Variants in SCG3 observed in about 807,000 individuals in gnomAD.
SCG3 encodes secretogranin III.
In SCG3, 38 loss-of-function variants were observed where a neutral mutation model predicts 56.2. The ratio of observed to expected loss-of-function variants is 0.68; its 90% CI spans 0.52 to 0.89. SCG3 has a LOEUF of 0.89. Among genes scored for constraint, SCG3 ranks in the 40% least tolerant of loss-of-function variants. The pLI, the probability that SCG3 is intolerant of heterozygous loss-of-function variation, is 0.00. For missense variants in SCG3, 524 were observed against 540.7 expected (o/e 0.97, Z 0.31); for synonymous variants, 176 against 184.2 (o/e 0.96, Z 0.36).
intron 10 of SCG3, 29 bp from the exon 11 acceptor site, chr15:51,713,304 G>GTT (rs1386553862): frequency 7.0e-7 from 1 of 1,427,058 alleles, no homozygotes; most frequent in Non-Finnish European, 9.8e-7. Context: ...TTTCCTGAGT[G>GTT]TTTGATATAG....
Position 51,689,229 on chromosome 15 carries a change from G to C in SCG3, c.551G>C (p.Ser184Thr), listed in dbSNP as rs1282347314. The change falls in exon 6 of 12, where the codon AGC becomes ACC. Residue 184 changes from serine to threonine, a missense_variant. Transcript: ENST00000220478. ...GCCTTTTTATGATAGATCACAGAAA[G>C]CCAAGCACATACACTGGAAGATGAA... Reference protein sequence around the residue: ...KLLNLGLITESQAHTLEDEVA... With the variant: ...KLLNLGLITETQAHTLEDEVA... The C allele has an allele frequency of 6.2e-7, 1 of 1,613,712 alleles. No homozygotes were observed. Among genetic ancestry groups the C allele is most frequent in the Non-Finnish European group, 8.5e-7 (1 of 1,179,786 alleles).
At chr15:51,716,848 C>G (rs2055459685) in intron 11 of SCG3, among the ~76,000 whole-genome samples, 1 of 152,234 alleles carries the variant, frequency 6.6e-6, no homozygotes, top group Non-Finnish European at 1.5e-5. Context: ...TCCTTTGCAC[C>G]AGTTGCATGT....
intron 6 of SCG3, among the ~76,000 whole-genome samples, chr15:51,691,534 C>G (rs1240386242): frequency 6.6e-6 from 1 of 152,000 alleles, no homozygotes; most frequent in Non-Finnish European, 1.5e-5. Context: ...GTGGGGCCAA[C>G]AAGGCTACTG....
At chr15:51,692,973 G>C in intron 7 of SCG3, among the ~76,000 whole-genome samples, 1 of 151,856 alleles carries the variant, frequency 6.6e-6, no homozygotes, top group East Asian at 1.9e-4. Context: ...CCACCATGCT[G>C]TACATTCTCC....
intron 7 of SCG3, chr15:51,693,151 T>C (rs1442557185): frequency 6.6e-6 from 1 of 152,220 alleles, no homozygotes; most frequent in African/African-American, 2.4e-5. Context: ...TGTCTTTCTT[T>C]GCCTGCCTTT....
intron 11 of SCG3, among the ~76,000 whole-genome samples, chr15:51,717,864 C>G (rs915897061): frequency 2.6e-5 from 4 of 152,162 alleles, no homozygotes; most frequent in African/African-American, 9.7e-5. Flanking sequence ...TGTGATTGGA[C>G]AAAAAGGACA....
At chr15:51,689,659 C>T (rs997454052) in intron 6 of SCG3, among the ~76,000 whole-genome samples, 11 of 151,900 alleles carry the variant, frequency 7.2e-5, no homozygotes, top group Admixed American at 3.3e-4. Context: ...TGTGGTGGCA[C>T]AAGCTTATAG....
At position 51,703,620 on chromosome 15, in the gene SCG3, A is replaced by G. The variant is rs186600046; in HGVS notation, c.1207+2376A>G. 7.4e-4 allele frequency among the ~76,000 whole-genome samples: 113 copies of G among 152,302 alleles called. 1 individual carries two copies. Among genetic ancestry groups the G allele is most frequent in the African/African-American group, 2.3e-3 (97 of 41,568 alleles). On this transcript the variant is annotated intron_variant, in intron 10 of 11. Transcript: ENST00000220478. ...TTTCCTTTCCCAAGACTTGAAGTCA[A>G]TTCTCCTTCAAGGAGTTCTGGTTCC... is the stretch of plus-strand genomic sequence containing the variant.
intron 11 of SCG3, among the ~76,000 whole-genome samples, chr15:51,719,079 T>G (rs568909178): frequency 6.6e-6 from 1 of 152,250 alleles, no homozygotes; most frequent in East Asian, 1.9e-4. Flanking sequence ...ATCTGCCACT[T>G]CCCAATAGCC....
chr15:51,695,762 GA>G (rs370571693), intron 7 of SCG3, 112 bp from the exon 8 acceptor site: 38,634 of 513,196 alleles, frequency 0.075, 37 homozygotes, highest in East Asian at 0.14. Flanking sequence ...CCTCGTCTTT[GA>G]AAAAAAAAAA....
intron 11 of SCG3, among the ~76,000 whole-genome samples, chr15:51,717,367 C>CAA (rs142033310): frequency 2.2e-4 from 28 of 125,684 alleles, no homozygotes; most frequent in African/African-American, 6.2e-4. Context: ...GACTCCGTCT[C>CAA]AAAAAAAAAA....
chr15:51,717,998 T>A (rs2055469221), intron 11 of SCG3, among the ~76,000 whole-genome samples: 2 of 152,128 alleles, frequency 1.3e-5, no homozygotes, highest in Admixed American at 1.3e-4. Context: ...CACAATCAGA[T>A]TAGAGTCCTG....
chr15:51,690,059 G>A (rs1157597984), intron 6 of SCG3, among the ~76,000 whole-genome samples: 1 of 152,138 alleles, frequency 6.6e-6, no homozygotes. Context: ...GTTCACAGCA[G>A]ATGTCATCAT....
chr15:51,716,103 T>C (rs1006867969), intron 11 of SCG3, among the ~76,000 whole-genome samples: 1 of 152,208 alleles, frequency 6.6e-6, no homozygotes, highest in African/African-American at 2.4e-5. Context: ...CTGATCCGCC[T>C]GCCTCGGCCT....
intron 10 of SCG3, among the ~76,000 whole-genome samples, chr15:51,702,994 A>G (rs1214799833): frequency 6.6e-6 from 1 of 152,176 alleles, no homozygotes. Context: ...AAGAGCTGAG[A>G]GAGTGGGTCA....
chr15:51,705,019 A>G (rs2055366392), intron 10 of SCG3, among the ~76,000 whole-genome samples: 1 of 151,436 alleles, frequency 6.6e-6, no homozygotes, highest in Non-Finnish European at 1.5e-5. Flanking sequence ...ATCCTAACAG[A>G]TGTGAGGTGG....
chr15:51,688,360 C>T lies in SCG3; in HGVS notation c.498C>T (p.Ala166=), dbSNP rs1293428636. ...AARIYEENDR[A]VFDKIVSKLL... ...GGATTTATGAAGAAAATGACAGAGC[C>T]GTGTTTGACAAGATTGTTTCTAAAC... The change falls in exon 5 of 12, where the codon GCC becomes GCT. Residue 166 remains alanine, a synonymous_variant. Coordinates refer to ENST00000220478, the MANE Select transcript of SCG3 (RefSeq NM_013243.4). 8.1e-6 allele frequency: 13 copies of T among 1,613,574 alleles called. No homozygotes were observed. The highest frequency in any genetic ancestry group is 5.1e-6 in the Non-Finnish European group (6 of 1,179,786).
chr15:51,711,606 A>C (rs543866307), intron 10 of SCG3, among the ~76,000 whole-genome samples: 51 of 152,324 alleles, frequency 3.3e-4, no homozygotes, highest in African/African-American at 1.2e-3. Flanking sequence ...ATCTAACTGA[A>C]TTAATTTGAA....
rs1412569620 is a variant in SCG3 at position 51,688,336 on chromosome 15, G to C, written c.474G>C (p.Arg158Ser). 3 of 1,613,618 alleles carry C rather than the reference G, an allele frequency of 1.9e-6. No individual in the cohort carries two copies. Among genetic ancestry groups the C allele is most frequent in the Non-Finnish European group, 2.5e-6 (3 of 1,179,768 alleles). ...AEDIVHKIAA[R>S]IYEENDRAVF... ...ACATTGTCCATAAAATCGCTGCCAG[G>C]ATTTATGAAGAAAATGACAGAGCCG... Residue 158 changes from arginine to serine, a missense_variant, in exon 5 of 12, where the codon AGG becomes AGC. Coordinates refer to ENST00000220478, the MANE Select transcript of SCG3 (RefSeq NM_013243.4).
Sources: gnomAD v4.1 joint callset for allele counts (sites outside exome capture counted in the v4.1 genomes callset) on GRCh38, gnomAD v4.1.1 for gene constraint, MANE v1.5 for transcripts, NCBI Gene and HGNC (gene_info 2026-07-23, HGNC 2026-07-21) for gene names.